Variants in SAMD12 observed in about 807,000 individuals in gnomAD.
SAMD12 encodes sterile alpha motif domain containing 12.
A neutral mutation model predicts 15.0 loss-of-function variants in SAMD12; 9 were observed. The observed-to-expected ratio is 0.60, with a 90% confidence interval of 0.36 to 1.05. SAMD12 has a LOEUF of 1.05. Among genes scored for constraint, SAMD12 ranks in the 50% least tolerant of loss-of-function variants. The probability of loss-of-function intolerance (pLI) is 0.01; values close to 1 mark genes in which losing one functional copy is unlikely to be tolerated. For synonymous variants in SAMD12, 86 were observed against 90.1 expected (o/e 0.96, Z 0.25); for missense variants, 230 against 234.2 (o/e 0.98, Z 0.12).
chr8:118,402,978 G>A, intron 3 of SAMD12, among the ~76,000 whole-genome samples: 1 of 152,116 alleles, frequency 6.6e-6, no homozygotes, highest in East Asian at 1.9e-4. Context: ...TAGTGAAGTT[G>A]GGTAAAAACT....
intron 4 of SAMD12, among the ~76,000 whole-genome samples, chr8:118,261,329 A>G (rs138307646): frequency 2.1e-3 from 316 of 152,240 alleles, no homozygotes; most frequent in African/African-American, 7.2e-3. Context: ...TGCTAACCTC[A>G]AACACAAAGC....
intron 4 of SAMD12, among the ~76,000 whole-genome samples, chr8:118,339,403 C>T (rs201397358): frequency 6.6e-6 from 1 of 152,088 alleles, no homozygotes; most frequent in African/African-American, 2.4e-5. Context: ...CTTTGCTAAA[C>T]CTACTATAGA....
Position 118,461,007 on chromosome 8 carries a change from G to A in SAMD12, c.193-21046C>T, listed in dbSNP as rs573508091. On this transcript the variant is annotated intron_variant, in intron 2 of 3. Transcript: ENST00000314727. ...TGCACATAATGGTTTACCTGGTTAGGATGTCACTTCCACCTTCTTTACCTG... is the reference window on the plus strand; with the variant it reads ...TGCACATAATGGTTTACCTGGTTAGAATGTCACTTCCACCTTCTTTACCTG... Among the ~76,000 whole-genome samples, 5 of 152,254 alleles carry A rather than the reference G, an allele frequency of 3.3e-5. No homozygotes were observed. In the South Asian group the frequency reaches 1.0e-3, roughly 32 times the overall value.
chr8:118,325,543 A>G (rs527483451), intron 4 of SAMD12, among the ~76,000 whole-genome samples: 6 of 152,358 alleles, frequency 3.9e-5, no homozygotes, highest in East Asian at 3.9e-4. Flanking sequence ...ATTAATTAGC[A>G]TATCTATCAA....
At chr8:118,151,445 T>C in the SAMD12 span, among the ~76,000 whole-genome samples, 2 of 152,240 alleles carry the variant, frequency 1.3e-5, no homozygotes, top group Non-Finnish European at 2.9e-5. Flanking sequence ...AATGCTCTAT[T>C]CATTTTTAAA....
chr8:118,215,926 T>C (rs374469363), intron 4 of SAMD12, among the ~76,000 whole-genome samples: 120 of 150,922 alleles, frequency 8.0e-4, no homozygotes, highest in African/African-American at 2.3e-3. Flanking sequence ...AATAAACATA[T>C]GTGTGCATGT....
At chr8:118,515,738 A>G (rs1475270790) in intron 2 of SAMD12, among the ~76,000 whole-genome samples, 1 of 152,158 alleles carries the variant, frequency 6.6e-6, no homozygotes, top group Non-Finnish European at 1.5e-5. Context: ...CTGGTATATG[A>G]AACCTCCATC....
intron 2 of SAMD12, among the ~76,000 whole-genome samples, chr8:118,453,383 C>T (rs1199168406): frequency 6.6e-6 from 1 of 152,190 alleles, no homozygotes; most frequent in Non-Finnish European, 1.5e-5. Context: ...GTCATATCCA[C>T]TAACAATCAC....
intron 3 of SAMD12, among the ~76,000 whole-genome samples, chr8:118,401,693 A>T (rs545536441): frequency 1.3e-5 from 2 of 152,182 alleles, no homozygotes; most frequent in East Asian, 3.9e-4. Context: ...CATGTAAAAG[A>T]TCAAAAAATT....
intron 4 of SAMD12, among the ~76,000 whole-genome samples, chr8:118,342,987 C>G (rs1196667014): frequency 1.3e-5 from 2 of 152,102 alleles, no homozygotes; most frequent in African/African-American, 4.8e-5. Flanking sequence ...GGAAAAAGTG[C>G]TAGGAGTAGG....
At chr8:118,536,592 C>T (rs1825851502) in intron 2 of SAMD12, among the ~76,000 whole-genome samples, 1 of 152,104 alleles carries the variant, frequency 6.6e-6, no homozygotes, top group Non-Finnish European at 1.5e-5. Context: ...TTATTTTAAA[C>T]TGATGACAAC....
chr8:118,189,608 C>T (rs1303126923), exon 5 of SAMD12: 1 of 152,108 alleles, frequency 6.6e-6, no homozygotes, highest in African/African-American at 2.4e-5. Flanking sequence ...GGGAGGCAAA[C>T]ATCTGTACAG....
chr8:118,277,038 T>C (rs542080779), intron 4 of SAMD12, among the ~76,000 whole-genome samples: 1 of 152,198 alleles, frequency 6.6e-6, no homozygotes, highest in East Asian at 1.9e-4. Flanking sequence ...TCCACAAGCT[T>C]AGGAATTAGA....
intron 1 of SAMD12, among the ~76,000 whole-genome samples, chr8:118,619,274 G>A (rs1473298764): frequency 7.2e-5 from 11 of 151,976 alleles, no homozygotes; most frequent in African/African-American, 2.4e-5. Flanking sequence ...TCAGGAGATC[G>A]AGACCATCCT....
the SAMD12 span, among the ~76,000 whole-genome samples, chr8:118,146,896 G>T: frequency 6.6e-6 from 1 of 152,190 alleles, no homozygotes. Flanking sequence ...TCATAAATTT[G>T]AAGATTTATA....
At chr8:118,467,526 T>G (rs1487708277) in intron 2 of SAMD12, among the ~76,000 whole-genome samples, 1 of 152,214 alleles carries the variant, frequency 6.6e-6, no homozygotes. Context: ...TCATCTTTTG[T>G]GCACCCCTGC....
rs1459784418 is a variant in SAMD12 at position 118,369,835 on chromosome 8, C to T, written c.433+9725G>A. On this transcript the variant is annotated intron_variant, in intron 4 of 4. Coordinates refer to the SAMD12 transcript ENST00000409003. ...CAAAAACTGTAGAAGAAAATCTAGGCAATACTATTGAGGACATAGGCATGG... is the reference window on the plus strand; with the variant it reads ...CAAAAACTGTAGAAGAAAATCTAGGTAATACTATTGAGGACATAGGCATGG... 3.9e-5 allele frequency among the ~76,000 whole-genome samples: 6 copies of T among 152,042 alleles called. No individual in the cohort carries two copies. The East Asian group carries it at 9.6e-4, about 24-fold the overall frequency.
At chr8:118,309,096 A>C (rs1815493997) in intron 4 of SAMD12, among the ~76,000 whole-genome samples, 1 of 152,118 alleles carries the variant, frequency 6.6e-6, no homozygotes, top group Admixed American at 6.5e-5. Context: ...CCATCACCTG[A>C]GCAGTGTACA....
the SAMD12 span, among the ~76,000 whole-genome samples, chr8:118,149,833 C>T: frequency 1.3e-5 from 2 of 152,000 alleles, no homozygotes. Flanking sequence ...TTAAAAAGAC[C>T]ATCATTATCA....
Sources: allele counts gnomAD v4.1 joint callset (sites outside exome capture counted in the v4.1 genomes callset), GRCh38; gene constraint gnomAD v4.1.1; transcripts MANE v1.5; gene names NCBI Gene and HGNC (gene_info 2026-07-23, HGNC 2026-07-21).